Variants in KCTD8 observed in about 807,000 individuals in gnomAD.
KCTD8 encodes the protein potassium channel tetramerization domain containing 8.
A neutral mutation model predicts 31.5 loss-of-function variants in KCTD8; 27 were observed. The observed-to-expected ratio is 0.86, with a 90% CI of 0.63 to 1.18. The LOEUF (loss-of-function observed/expected upper bound fraction) is 1.18. KCTD8 is among the 50% of genes most tolerant of loss of function. The pLI, the probability that KCTD8 is intolerant of heterozygous loss-of-function variation, is 0.00. For missense variants in KCTD8, 658 were observed against 647.7 expected (o/e 1.02, Z -0.17); for synonymous variants, 290 against 280.0 (o/e 1.04, Z -0.36).
intron 1 of KCTD8, among the ~76,000 whole-genome samples, chr4:44,265,693 C>A (rs2109368250): frequency 6.6e-6 from 1 of 152,144 alleles, no homozygotes; most frequent in East Asian, 1.9e-4. Flanking sequence ...CAGAGAAGTG[C>A]TTAAAGGAGC....
At chr4:44,280,687 C>G (rs78137636) in intron 1 of KCTD8, among the ~76,000 whole-genome samples, 2,404 of 152,098 alleles carry the variant, frequency 0.016, 28 homozygotes, top group South Asian at 0.039. Context: ...TGATGGTTCT[C>G]TTTTTTCACT....
At chr4:44,428,120 A>G (rs1050754137) in intron 1 of KCTD8, among the ~76,000 whole-genome samples, 1 of 151,780 alleles carries the variant, frequency 6.6e-6, no homozygotes, top group Non-Finnish European at 1.5e-5. Context: ...TGTCCAAACA[A>G]GTATAAAAGA....
At chr4:44,334,453 C>T (rs1244401163) in intron 1 of KCTD8, among the ~76,000 whole-genome samples, 1 of 151,908 alleles carries the variant, frequency 6.6e-6, no homozygotes, top group African/African-American at 2.4e-5. Flanking sequence ...TCCAGTCATA[C>T]TAGTTCTGAG....
At chr4:44,253,129 C>A (rs1303633999) in intron 1 of KCTD8, among the ~76,000 whole-genome samples, 1 of 151,450 alleles carries the variant, frequency 6.6e-6, no homozygotes, top group Non-Finnish European at 1.5e-5. Context: ...TATAAGTTTT[C>A]TCCTTTTTTC....
At chr4:44,341,627 C>T (rs757751325) in intron 1 of KCTD8, among the ~76,000 whole-genome samples, 1 of 152,170 alleles carries the variant, frequency 6.6e-6, no homozygotes, top group Non-Finnish European at 1.5e-5. Context: ...TCATAAGAAG[C>T]AATTCCTCAT....
At chr4:44,322,988 C>G (rs1208583117) in intron 1 of KCTD8, among the ~76,000 whole-genome samples, 1 of 151,910 alleles carries the variant, frequency 6.6e-6, no homozygotes, top group East Asian at 1.9e-4. Context: ...GTAAATATAG[C>G]TTTGTAGTGT....
chr4:44,205,627 C>T (rs1020758354), intron 1 of KCTD8, among the ~76,000 whole-genome samples: 1 of 152,080 alleles, frequency 6.6e-6, no homozygotes, highest in Admixed American at 6.6e-5. Flanking sequence ...TATAAATATA[C>T]AATTTCTATA....
At position 44,175,014 on chromosome 4, in the gene KCTD8, A is replaced by G; in HGVS notation, c.1198T>C (p.Trp400Arg). ...CTGCGTTTGTCTGGTGGGGGTATCC[A>G]TTGTACAGGTGCTTTTTTAGAGGGG... ...DRPSKKAPVQ[W>R]IPPPDKRRNS... Residue 400 changes from tryptophan to arginine, a missense_variant, in exon 2 of 2, where the codon TGG (tryptophan) becomes CGG (arginine). Coordinates refer to ENST00000360029, the MANE Select transcript of KCTD8 (RefSeq NM_198353.3). 1 of 1,614,028 alleles carries G rather than the reference A, an allele frequency of 6.2e-7. No individual in the cohort carries two copies. The highest frequency in any genetic ancestry group is 8.5e-7 in the Non-Finnish European group (1 of 1,179,988).
chr4:44,436,707 G>T (rs963578829), intron 1 of KCTD8, among the ~76,000 whole-genome samples: 15 of 152,058 alleles, frequency 9.9e-5, no homozygotes, highest in African/African-American at 2.7e-4. Context: ...TTTGGTTATT[G>T]TTGAAATTAG....
chr4:44,187,958 AACACACACACACAC>A (rs143071896), intron 1 of KCTD8, among the ~76,000 whole-genome samples: 12 of 144,656 alleles, frequency 8.3e-5, no homozygotes, highest in Admixed American at 1.4e-4. Context: ...GGAAGAGGTA[AACACACACACACAC>A]ACACACACAC....
At chr4:44,362,257 A>G (rs1719517369) in intron 1 of KCTD8, among the ~76,000 whole-genome samples, 1 of 152,166 alleles carries the variant, frequency 6.6e-6, no homozygotes, top group Non-Finnish European at 1.5e-5. Context: ...TTTAGGTGCA[A>G]AGTTAAGAAT....
intron 1 of KCTD8, among the ~76,000 whole-genome samples, chr4:44,384,024 G>T (rs1720141832): frequency 6.6e-6 from 1 of 151,670 alleles, no homozygotes; most frequent in Admixed American, 6.6e-5. Flanking sequence ...TTTCTCAAAA[G>T]AAGCCATATA....
chr4:44,202,520 T>C (rs1714180672), intron 1 of KCTD8, among the ~76,000 whole-genome samples: 1 of 152,136 alleles, frequency 6.6e-6, no homozygotes, highest in African/African-American at 2.4e-5. Context: ...AGCAATTTTA[T>C]GCAGAAACAG....
At position 44,327,457 on chromosome 4, in the gene KCTD8, A is replaced by G. The variant is rs570693923; in HGVS notation, c.961+120106T>C. On this transcript the variant is annotated intron_variant, in intron 1 of 1. Transcript: ENST00000360029. ...TCTAACATGATGTATGGAATAATAA[A>G]GAATGTTTGTATAATGTTTCCCACA... is the stretch of plus-strand genomic sequence containing the variant. Among the ~76,000 whole-genome samples the G allele has an allele frequency of 2.2e-4, 33 of 151,958 alleles. 1 individual carries two copies. The highest frequency in any genetic ancestry group is 1.3e-4 in the Admixed American group (2 of 15,258).
At chr4:44,247,254 T>C (rs1715692493) in intron 1 of KCTD8, among the ~76,000 whole-genome samples, 1 of 151,910 alleles carries the variant, frequency 6.6e-6, no homozygotes, top group Non-Finnish European at 1.5e-5. Context: ...TACCAATTGT[T>C]CCAAAAGGGA....
chr4:44,224,874 A>G (rs990649347), intron 1 of KCTD8, among the ~76,000 whole-genome samples: 5 of 135,706 alleles, frequency 3.7e-5, no homozygotes, highest in African/African-American at 1.4e-4. Context: ...CACCCAGCCA[A>G]TGGGGAAGAG....
At chr4:44,300,200 C>T (rs1717569026) in intron 1 of KCTD8, among the ~76,000 whole-genome samples, 1 of 152,038 alleles carries the variant, frequency 6.6e-6, no homozygotes, top group Non-Finnish European at 1.5e-5. Flanking sequence ...TAAATTAGAA[C>T]AGATTAAAGC....
intron 1 of KCTD8, among the ~76,000 whole-genome samples, chr4:44,206,288 C>A (rs1486275924): frequency 6.6e-6 from 1 of 151,884 alleles, no homozygotes; most frequent in East Asian, 1.9e-4. Flanking sequence ...ACCAGGTGAC[C>A]CTTTTCAGCT....
chr4:44,180,561 T>C (rs911304191), intron 1 of KCTD8, among the ~76,000 whole-genome samples: 3 of 151,524 alleles, frequency 2.0e-5, no homozygotes, highest in South Asian at 2.1e-4. Context: ...AATATTATTT[T>C]TGAAGAACAG....
Sources: gnomAD v4.1 joint callset for allele counts (sites outside exome capture counted in the v4.1 genomes callset) on GRCh38, gnomAD v4.1.1 for gene constraint, MANE v1.5 for transcripts, NCBI Gene and HGNC (gene_info 2026-07-23, HGNC 2026-07-21) for gene names.